The following NAALADL2 variants were observed in gnomAD, a reference collection of about 807,000 sequenced individuals.
NAALADL2 encodes the protein N-acetylated alpha-linked acidic dipeptidase like 2, also known as inactive N-acetylated-alpha-linked acidic dipeptidase-like protein 2.
A neutral mutation model predicts 87.2 loss-of-function variants in NAALADL2; 76 were observed. The observed-to-expected ratio is 0.87, with a 90% confidence interval of 0.72 to 1.05. The LOEUF (loss-of-function observed/expected upper bound fraction) is 1.05, where lower values mean the gene tolerates loss of function less well. Ranked by LOEUF, NAALADL2 falls within the 50% of genes least tolerant of loss-of-function variation. The probability of loss-of-function intolerance (pLI) is 0.00; values close to 1 mark genes in which losing one functional copy is unlikely to be tolerated. For missense variants in NAALADL2, 1,089 were observed against 945.8 expected (o/e 1.15, Z -1.99); for synonymous variants, 354 against 331.0 (o/e 1.07, Z -0.75).
intron 11 of NAALADL2, among the ~76,000 whole-genome samples, chr3:175,731,184 A>G (rs770186129): frequency 5.9e-5 from 9 of 152,172 alleles, no homozygotes; most frequent in South Asian, 2.1e-4. Flanking sequence ...CTTCAAATCA[A>G]TGACACTTGG....
intron 11 of NAALADL2, among the ~76,000 whole-genome samples, chr3:175,702,059 CCT>C (rs1582946286): frequency 6.6e-6 from 1 of 152,206 alleles, no homozygotes; most frequent in South Asian, 2.1e-4. Flanking sequence ...TATTTACTTT[CCT>C]CTGTTTTTTT....
rs529854882 is a variant in NAALADL2, at chr3:174,862,985, C to CTAGA, written c.43+3539_43+3542dup. ...GATCCTGAGGAATGCAGAGCTAGCT[C>CTAGA]TAGATAGCAACCAGCAGGAGATAAC... On this transcript the variant is annotated intron_variant, in intron 1 of 13. Transcript: ENST00000454872. Among the ~76,000 whole-genome samples, 194 of 152,162 alleles carry CTAGA rather than the reference C, an allele frequency of 1.3e-3. 1 individual carries two copies. The highest frequency in any genetic ancestry group is 4.5e-3 in the African/African-American group (188 of 41,526).
intron 5 of NAALADL2, among the ~76,000 whole-genome samples, chr3:175,370,724 C>T (rs753294402): frequency 1.3e-5 from 2 of 152,108 alleles, no homozygotes; most frequent in African/African-American, 2.4e-5. Context: ...TTCCAACATT[C>T]GATGGTTCTG....
intron 2 of NAALADL2, among the ~76,000 whole-genome samples, chr3:174,577,674 G>A (rs1015688585): frequency 2.6e-5 from 4 of 152,010 alleles, no homozygotes; most frequent in African/African-American, 9.7e-5. Flanking sequence ...CCTCTTCAGA[G>A]GATGATAATA....
chr3:175,437,268 C>A (rs1718852764), intron 5 of NAALADL2, among the ~76,000 whole-genome samples: 1 of 147,420 alleles, frequency 6.8e-6, no homozygotes, highest in Non-Finnish European at 1.5e-5. Flanking sequence ...GATACAAAAT[C>A]AATGTACAAA....
chr3:175,374,026 T>A (rs542287905), intron 5 of NAALADL2, among the ~76,000 whole-genome samples: 5 of 152,280 alleles, frequency 3.3e-5, no homozygotes, highest in Non-Finnish European at 5.9e-5. Flanking sequence ...TGAATTTTTT[T>A]ATATATTTCA....
chr3:175,780,893 C>T (rs777658645), intron 13 of NAALADL2, among the ~76,000 whole-genome samples: 1 of 152,088 alleles, frequency 6.6e-6, no homozygotes, highest in Non-Finnish European at 1.5e-5. Context: ...TATTTTTGTG[C>T]CTTCCTTGCT....
intron 11 of NAALADL2, among the ~76,000 whole-genome samples, chr3:175,713,058 G>C (rs1360302366): frequency 1.1e-4 from 16 of 152,054 alleles, no homozygotes; most frequent in Admixed American, 1.1e-3. Flanking sequence ...AAACAATCTA[G>C]ACACAATTTA....
At chr3:175,138,977 T>C (rs1476255592) in intron 2 of NAALADL2, among the ~76,000 whole-genome samples, 1 of 147,888 alleles carries the variant, frequency 6.8e-6, no homozygotes, top group Non-Finnish European at 1.5e-5. Flanking sequence ...CAAATATCTT[T>C]TCAAGAGTTG....
At chr3:175,672,841 T>G (rs925783091) in intron 11 of NAALADL2, among the ~76,000 whole-genome samples, 2 of 152,198 alleles carry the variant, frequency 1.3e-5, no homozygotes, top group Non-Finnish European at 2.9e-5. Context: ...GCAAAATGTT[T>G]GAAAATGTAT....
At chr3:174,841,262 C>CTG (rs1723993809) in intron 3 of NAALADL2, among the ~76,000 whole-genome samples, 1 of 152,056 alleles carries the variant, frequency 6.6e-6, no homozygotes, top group Non-Finnish European at 1.5e-5. Flanking sequence ...GTAATAGTTA[C>CTG]TGTGCTTATT....
chr3:175,657,089 C>G (rs544226510), intron 11 of NAALADL2, among the ~76,000 whole-genome samples: 3 of 152,092 alleles, frequency 2.0e-5, no homozygotes, highest in African/African-American at 7.2e-5. Flanking sequence ...GTTGCCCAAA[C>G]TAGTATTTAA....
At chr3:175,773,562 G>A (rs1374057518) in intron 13 of NAALADL2, 1 of 152,078 alleles carries the variant, frequency 6.6e-6, no homozygotes, top group Non-Finnish European at 1.5e-5. Context: ...CTCAGAATAA[G>A]TAGTAATGTT....
intron 1 of NAALADL2, among the ~76,000 whole-genome samples, chr3:174,919,313 G>A (rs1396944675): frequency 6.6e-6 from 1 of 152,058 alleles, no homozygotes; most frequent in African/African-American, 2.4e-5. Context: ...ACAGTAGAAC[G>A]TCTTTCAAAA....
chr3:175,131,846 A>C (rs1727978434), intron 2 of NAALADL2, among the ~76,000 whole-genome samples: 1 of 59,356 alleles, frequency 1.7e-5, no homozygotes. Context: ...TCCCTCCCGG[A>C]CGGGGCGGCT....
intron 5 of NAALADL2, among the ~76,000 whole-genome samples, chr3:175,423,902 T>C (rs1716317097): frequency 6.6e-6 from 1 of 152,160 alleles, no homozygotes; most frequent in South Asian, 2.1e-4. Context: ...AATGTTCCTA[T>C]TTGTCCACAT....
intron 3 of NAALADL2, among the ~76,000 whole-genome samples, chr3:174,813,671 A>G (rs1031595076): frequency 6.6e-6 from 1 of 152,052 alleles, no homozygotes; most frequent in Non-Finnish European, 1.5e-5. Context: ...TATTTTTTTC[A>G]TAGACAAAGT....
chr3:175,775,278 CAT>C (rs1018195979), intron 13 of NAALADL2: 49 of 152,020 alleles, frequency 3.2e-4, no homozygotes, highest in African/African-American at 1.1e-3. Context: ...AAAATTCAAA[CAT>C]AAAATATTTG....
chr3:174,668,363 G>A (rs1384717252), intron 2 of NAALADL2, among the ~76,000 whole-genome samples: 3 of 152,018 alleles, frequency 2.0e-5, no homozygotes, highest in Non-Finnish European at 4.4e-5. Flanking sequence ...TAAGTTTGAT[G>A]TAGTCTTATT....
Sources: allele counts gnomAD v4.1 joint callset (sites outside exome capture counted in the v4.1 genomes callset), GRCh38; gene constraint gnomAD v4.1.1; transcripts MANE v1.5; gene names NCBI Gene and HGNC (gene_info 2026-07-23, HGNC 2026-07-21).